The following ITPR2 variants were observed in gnomAD, a reference collection of about 807,000 sequenced individuals.
The protein encoded by ITPR2 is inositol 1,4,5-trisphosphate receptor type 2, also known as inositol 1,4,5-trisphosphate-gated calcium channel ITPR2.
ITPR2 carries 207 observed loss-of-function variants against 317.1 expected under a neutral mutation model. The ratio of observed to expected loss-of-function variants is 0.65; its 90% CI spans 0.58 to 0.73. The LOEUF (loss-of-function observed/expected upper bound fraction) is 0.73, where lower values mean the gene tolerates loss of function less well. Ranked by LOEUF, ITPR2 falls within the 30% of genes least tolerant of loss-of-function variation. The pLI is 0.00. For missense variants in ITPR2, 2,613 were observed against 3,284.0 expected (o/e 0.80, Z 4.99); for synonymous variants, 1,156 against 1,149.1 (o/e 1.01, Z -0.12).
At chr12:26,673,053 T>C (rs551509572) in intron 13 of ITPR2, among the ~76,000 whole-genome samples, 2 of 152,276 alleles carry the variant, frequency 1.3e-5, no homozygotes, top group Admixed American at 1.3e-4. Context: ...CAATAATCAA[T>C]AGCTTACCAA....
chr12:26,656,579 T>C, intron 18 of ITPR2, 31 bp from the exon 19 acceptor site: 3 of 1,609,462 alleles, frequency 1.9e-6, no homozygotes, highest in Non-Finnish European at 2.5e-6. Flanking sequence ...TACATTATTG[T>C]CTTATCTCAA....
intron 50 of ITPR2, among the ~76,000 whole-genome samples, chr12:26,418,162 G>T (rs950185040): frequency 2.0e-5 from 3 of 152,272 alleles, no homozygotes; most frequent in Non-Finnish European, 4.4e-5. Flanking sequence ...TCTCAAATCG[G>T]TGTGCTAGAT....
intron 55 of ITPR2, among the ~76,000 whole-genome samples, chr12:26,346,726 C>A (rs986175245): frequency 6.6e-6 from 1 of 151,308 alleles, no homozygotes; most frequent in Non-Finnish European, 1.5e-5. Context: ...GAAAGAGCAC[C>A]AATCTATGAG....
In ITPR2 at chr12:26,494,250, A is replaced by C; in HGVS notation, c.5273T>G (p.Val1758Gly). 1 of 1,613,716 alleles carries C rather than the reference A, an allele frequency of 6.2e-7. No homozygotes were observed. The highest frequency in any genetic ancestry group is 2.2e-5 in the East Asian group (1 of 44,850). ...TTTGGTGTTCACTATAACATCGATG[A>C]CAAGTTCTGATGCACCTTCTTTATC... ...LLDKEGASEL[V>G]IDVIVNTKND... Residue 1758 changes from valine to glycine, a missense_variant, in exon 39 of 57, where the codon GTC (valine) becomes GGC (glycine). Physicochemically the swap from Val to Gly is moderately radical, Grantham distance 109 (BLOSUM62 -3). Transcript: ENST00000381340.
chr12:26,445,658 C>G (rs1356125809), intron 45 of ITPR2, among the ~76,000 whole-genome samples: 2 of 152,054 alleles, frequency 1.3e-5, no homozygotes, highest in African/African-American at 2.4e-5. Context: ...TTTAGCAACT[C>G]AGAAATTACC....
At chr12:26,635,850 T>C (rs1565655790) in intron 21 of ITPR2, among the ~76,000 whole-genome samples, 1 of 152,146 alleles carries the variant, frequency 6.6e-6, no homozygotes, top group Non-Finnish European at 1.5e-5. Context: ...TGGCTGAGGG[T>C]CTGGGTTATA....
At chr12:26,549,997 G>T (rs1229186274) in intron 37 of ITPR2, among the ~76,000 whole-genome samples, 4 of 151,716 alleles carry the variant, frequency 2.6e-5, no homozygotes, top group Non-Finnish European at 4.4e-5. Flanking sequence ...AAAAAACACA[G>T]ATCCAAGAAT....
At chr12:26,456,758 C>T (rs1270543835) in intron 45 of ITPR2, among the ~76,000 whole-genome samples, 2 of 152,118 alleles carry the variant, frequency 1.3e-5, no homozygotes, top group Non-Finnish European at 2.9e-5. Flanking sequence ...CTGCAACCTC[C>T]ACCACCCGGG....
chr12:26,459,911 C>T (rs997000974), intron 45 of ITPR2, among the ~76,000 whole-genome samples: 1 of 152,212 alleles, frequency 6.6e-6, no homozygotes, highest in African/African-American at 2.4e-5. Context: ...CAGTCTAGAA[C>T]TAAGCTGCTC....
At chr12:26,629,092 G>T (rs1472541657) in intron 22 of ITPR2, among the ~76,000 whole-genome samples, 2 of 152,088 alleles carry the variant, frequency 1.3e-5, no homozygotes, top group Non-Finnish European at 2.9e-5. Context: ...AGGAAGATTG[G>T]CATTTCATGG....
chr12:26,691,448 C>G (rs1269480808), intron 10 of ITPR2, among the ~76,000 whole-genome samples: 1 of 152,100 alleles, frequency 6.6e-6, no homozygotes, highest in Non-Finnish European at 1.5e-5. Context: ...TTAACCTCAG[C>G]TAGCTCTCCA....
chr12:26,720,918 A>G (rs576927131), intron 5 of ITPR2, among the ~76,000 whole-genome samples: 30 of 152,334 alleles, frequency 2.0e-4, no homozygotes, highest in African/African-American at 5.3e-4. Context: ...AAAAACTCCA[A>G]TTCATTCAAT....
chr12:26,605,527 T>A (rs1946112031), intron 26 of ITPR2, among the ~76,000 whole-genome samples: 1 of 152,200 alleles, frequency 6.6e-6, no homozygotes, highest in Non-Finnish European at 1.5e-5. Flanking sequence ...TTTTTATGTA[T>A]GTCAACTTTA....
chr12:26,431,608 TTCTC>T (rs1322673122), intron 48 of ITPR2, among the ~76,000 whole-genome samples: 1 of 152,170 alleles, frequency 6.6e-6, no homozygotes, highest in Admixed American at 6.5e-5. Context: ...TTAAAGGAGA[TTCTC>T]TATCTGCAGT....
chr12:26,621,183 G>C lies in ITPR2; in HGVS notation c.3402C>G (p.Ser1134Arg), dbSNP rs774212387. The change falls in exon 26 of 57, where the codon AGC becomes AGG. Residue 1134 changes from serine (S) to arginine (R), a missense_variant. This residue lies in a region of ITPR2 where 817 missense variants were observed against 897.6 expected (regional missense o/e 0.91). Transcript: ENST00000381340. ...EKSELWVEKSSNYENGEIGES... is the reference protein window; with the variant it reads ...EKSELWVEKSRNYENGEIGES... Reference sequence around the variant, plus strand: ...CCCCTATTTCTCCATTCTCATAGTTGCTGCTCTTCTCCACCCATAGCTCAG... The same window carrying C: ...CCCCTATTTCTCCATTCTCATAGTTCCTGCTCTTCTCCACCCATAGCTCAG... The C allele has an allele frequency of 2.5e-5, 40 of 1,613,652 alleles. No individual in the cohort carries two copies. The highest frequency in any genetic ancestry group is 3.2e-5 in the Non-Finnish European group (38 of 1,179,858).
At chr12:26,563,310 G>A (rs905476617) in intron 34 of ITPR2, among the ~76,000 whole-genome samples, 3 of 152,202 alleles carry the variant, frequency 2.0e-5, no homozygotes, top group Admixed American at 6.5e-5. Flanking sequence ...GTTGGCTCAC[G>A]CCTGTAATCC....
At chr12:26,631,745 AT>A (rs1946756619) in intron 22 of ITPR2, 120 bp downstream of exon 22, 2 of 827,030 alleles carry the variant, frequency 2.4e-6, no homozygotes, top group Non-Finnish European at 3.7e-6. Context: ...ACTTAAAAAA[AT>A]AAAATTATAT....
chr12:26,488,442 A>G (rs767248948), intron 39 of ITPR2, among the ~76,000 whole-genome samples: 22 of 152,142 alleles, frequency 1.4e-4, no homozygotes, highest in Admixed American at 2.6e-4. Context: ...CTGAGACTCT[A>G]ATGACATCAG....
At chr12:26,452,937 C>T (rs937186717) in intron 45 of ITPR2, among the ~76,000 whole-genome samples, 2 of 152,038 alleles carry the variant, frequency 1.3e-5, no homozygotes, top group African/African-American at 4.8e-5. Flanking sequence ...GTAAAAACTA[C>T]TTTAATCCCA....
Sources: gnomAD v4.1 joint callset for allele counts (sites outside exome capture counted in the v4.1 genomes callset) on GRCh38, gnomAD v4.1.1 for gene constraint, gnomAD v4.1.1 regional missense constraint, MANE v1.5 for transcripts, NCBI Gene and HGNC (gene_info 2026-07-23, HGNC 2026-07-21) for gene names.